Variants in TMEM132D observed in about 807,000 individuals in gnomAD.
TMEM132D encodes the protein transmembrane protein 132D.
In TMEM132D, 21 loss-of-function variants were observed where a neutral mutation model predicts 62.3. The observed-to-expected ratio is 0.34, with a 90% CI of 0.24 to 0.49. The LOEUF (loss-of-function observed/expected upper bound fraction) is 0.49, where lower values mean the gene tolerates loss of function less well. Among genes scored for constraint, TMEM132D ranks in the 20% least tolerant of loss-of-function variants. The pLI is 0.99. For synonymous variants in TMEM132D, 621 were observed against 575.6 expected (o/e 1.08, Z -1.13); for missense variants, 1,346 against 1,402.8 (o/e 0.96, Z 0.65).
intron 3 of TMEM132D, among the ~76,000 whole-genome samples, chr12:129,360,644 G>A (rs1434485118): frequency 1.3e-5 from 2 of 151,480 alleles, no homozygotes; most frequent in Non-Finnish European, 2.9e-5. Context: ...CCCACCTGGG[G>A]ACTCTGGCCG....
intron 2 of TMEM132D, among the ~76,000 whole-genome samples, chr12:129,685,486 T>A (rs1880886129): frequency 6.6e-6 from 1 of 152,214 alleles, no homozygotes; most frequent in South Asian, 2.1e-4. Flanking sequence ...TGGGAACCTC[T>A]GCCTAGATTT....
intron 4 of TMEM132D, among the ~76,000 whole-genome samples, chr12:129,290,310 G>A (rs1484287434): frequency 3.9e-5 from 6 of 151,970 alleles, no homozygotes; most frequent in African/African-American, 1.2e-4. Context: ...AGGGCATCCC[G>A]ACCACCTAGA....
chr12:129,152,339 A>G (rs2135536391), intron 5 of TMEM132D, among the ~76,000 whole-genome samples: 2 of 152,302 alleles, frequency 1.3e-5, no homozygotes, highest in Middle Eastern at 6.8e-3. Flanking sequence ...CTGGGTTTTA[A>G]CAAAGCAGAG....
intron 5 of TMEM132D, among the ~76,000 whole-genome samples, chr12:129,201,419 C>T (rs1263853607): frequency 6.6e-6 from 1 of 152,250 alleles, no homozygotes; most frequent in East Asian, 1.9e-4. Flanking sequence ...TGCAGAGAGT[C>T]CACTGCCCTT....
At chr12:129,227,985 A>C (rs1593303330) in intron 4 of TMEM132D, among the ~76,000 whole-genome samples, 1 of 152,128 alleles carries the variant, frequency 6.6e-6, no homozygotes, top group Non-Finnish European at 1.5e-5. Flanking sequence ...ACCTGATTTT[A>C]AATGTGAGGC....
rs1298926863 is a variant in TMEM132D at position 129,073,551 on chromosome 12, A to G, written c.*324T>C. 1 of 244,712 alleles carries G rather than the reference A, an allele frequency of 4.1e-6. No individual in the cohort carries two copies. Among genetic ancestry groups the G allele is most frequent in the Non-Finnish European group, 7.8e-6 (1 of 128,462 alleles). 15.2% of individuals were successfully genotyped at this position (244,712 alleles called of 1,614,324 possible). A position where few individuals can be genotyped will look rare whatever the true frequency, so the allele number is the denominator to read the frequency against. On this transcript the variant is annotated 3_prime_UTR_variant, in exon 9 of 9. Transcript: ENST00000422113. ...GCCATGTGGATTTTACAATATCCAA[A>G]TTGCTTTGATTCGAGAGAGAGAGGC...
At chr12:129,247,357 A>T (rs1344023816) in intron 4 of TMEM132D, among the ~76,000 whole-genome samples, 2 of 152,186 alleles carry the variant, frequency 1.3e-5, no homozygotes, top group Non-Finnish European at 2.9e-5. Context: ...ATAAGGGACA[A>T]CTAGACCAAA....
intron 4 of TMEM132D, among the ~76,000 whole-genome samples, chr12:129,232,459 G>A (rs1348442554): frequency 6.6e-6 from 1 of 152,214 alleles, no homozygotes; most frequent in African/African-American, 2.4e-5. Flanking sequence ...AGGTCAGAAA[G>A]CACCATGCTA....
chr12:129,102,535 A>G (rs750079108), intron 5 of TMEM132D, among the ~76,000 whole-genome samples: 14 of 151,872 alleles, frequency 9.2e-5, no homozygotes, highest in Non-Finnish European at 1.6e-4. Context: ...CACAACACAC[A>G]CACACATGCA....
chr12:129,329,371 T>C (rs1456049084), intron 4 of TMEM132D, among the ~76,000 whole-genome samples: 3 of 152,212 alleles, frequency 2.0e-5, no homozygotes, highest in Non-Finnish European at 4.4e-5. Context: ...CTGTGCAGTG[T>C]GACTGAATTT....
intron 3 of TMEM132D, among the ~76,000 whole-genome samples, chr12:129,515,438 T>C (rs1253421629): frequency 3.9e-5 from 6 of 152,206 alleles, no homozygotes; most frequent in Non-Finnish European, 8.8e-5. Flanking sequence ...CAAACCCTTC[T>C]GGCCTTATAA....
chr12:129,329,793 A>G (rs1371169697), intron 4 of TMEM132D, among the ~76,000 whole-genome samples: 1 of 152,112 alleles, frequency 6.6e-6, no homozygotes, highest in Non-Finnish European at 1.5e-5. Flanking sequence ...TAATCACAGT[A>G]CTGGAAGGAT....
At chr12:129,362,519 C>A (rs1413660190) in intron 3 of TMEM132D, among the ~76,000 whole-genome samples, 1 of 149,316 alleles carries the variant, frequency 6.7e-6, no homozygotes, top group African/African-American at 2.5e-5. Flanking sequence ...ATCTCCACAT[C>A]ATGACATTTA....
chr12:129,494,128 A>G (rs35039766), intron 3 of TMEM132D, among the ~76,000 whole-genome samples: 11,807 of 152,248 alleles, frequency 0.078, 547 homozygotes, highest in South Asian at 0.18. Flanking sequence ...TGGAGAGGAC[A>G]CTGAAGATAT....
chr12:129,265,655 C>T (rs1470752615), intron 4 of TMEM132D, among the ~76,000 whole-genome samples: 2 of 151,994 alleles, frequency 1.3e-5, no homozygotes, highest in Non-Finnish European at 2.9e-5. Flanking sequence ...CTCCAGCTGT[C>T]CTGGCCTGCT....
intron 2 of TMEM132D, among the ~76,000 whole-genome samples, chr12:129,590,508 G>T (rs1379515530): frequency 6.6e-6 from 1 of 152,202 alleles, no homozygotes; most frequent in African/African-American, 2.4e-5. Flanking sequence ...CATGGATCTT[G>T]TAAGAATCTG....
chr12:129,690,990 C>T (rs1008402377), intron 2 of TMEM132D, among the ~76,000 whole-genome samples: 2 of 152,024 alleles, frequency 1.3e-5, no homozygotes, highest in African/African-American at 4.8e-5. Flanking sequence ...AGTATTTTCT[C>T]AAGCCACAGT....
At chr12:129,221,494 A>G (rs1185230978) in intron 4 of TMEM132D, among the ~76,000 whole-genome samples, 1 of 152,204 alleles carries the variant, frequency 6.6e-6, no homozygotes. Context: ...TCTGGGCAGC[A>G]GGATAGATTG....
At chr12:129,321,884 T>C (rs951835739) in intron 4 of TMEM132D, among the ~76,000 whole-genome samples, 8 of 152,222 alleles carry the variant, frequency 5.3e-5, no homozygotes, top group Non-Finnish European at 1.2e-4. Flanking sequence ...AGTCCATCCA[T>C]GCGTGGGACG....
Sources: gnomAD v4.1 joint callset for allele counts (sites outside exome capture counted in the v4.1 genomes callset) on GRCh38, gnomAD v4.1.1 for gene constraint, MANE v1.5 for transcripts, NCBI Gene and HGNC (gene_info 2026-07-23, HGNC 2026-07-21) for gene names.